The following ECRG4 variants were observed in gnomAD, a reference collection of about 807,000 sequenced individuals.
ECRG4 encodes the protein augurin.
A neutral mutation model predicts 15.8 loss-of-function variants in ECRG4; 18 were observed. The ratio of observed to expected loss-of-function variants is 1.14; its 90% CI spans 0.79 to 1.69. ECRG4 has a LOEUF of 1.69. Ranked by LOEUF, ECRG4 falls within the 40% of genes most tolerant of loss-of-function variation. The pLI is 0.00. For synonymous variants in ECRG4, 82 were observed against 73.9 expected (o/e 1.11, Z -0.56); for missense variants, 200 against 190.9 (o/e 1.05, Z -0.28).
intron 1 of ECRG4, among the ~76,000 whole-genome samples, chr2:106,067,937 C>A (rs1214330710): frequency 6.6e-6 from 1 of 151,064 alleles, no homozygotes; most frequent in Non-Finnish European, 1.5e-5. Context: ...CGGACTCAAG[C>A]AATCCTCCCA....
chr2:106,075,785 A>G (rs1676475960), intron 3 of ECRG4, among the ~76,000 whole-genome samples: 1 of 152,228 alleles, frequency 6.6e-6, no homozygotes, highest in South Asian at 2.1e-4. Flanking sequence ...AGGTGACAAA[A>G]CCAGAATAAA....
intron 1 of ECRG4, among the ~76,000 whole-genome samples, chr2:106,068,521 G>C (rs928563123): frequency 4.6e-5 from 7 of 152,186 alleles, no homozygotes; most frequent in African/African-American, 1.7e-4. Flanking sequence ...CTATAGCTAA[G>C]GTTTGGCGAG....
At chr2:106,072,469 C>T (rs1676391314) in intron 2 of ECRG4, 1 of 152,250 alleles carries the variant, frequency 6.6e-6, no homozygotes, top group African/African-American at 2.4e-5. Flanking sequence ...TCGTGAATGT[C>T]ATTTTCCCTC....
intron 1 of ECRG4, among the ~76,000 whole-genome samples, chr2:106,067,065 G>A (rs1395108035): frequency 1.1e-5 from 1 of 91,736 alleles, no homozygotes; most frequent in Non-Finnish European, 2.5e-5. Context: ...AGGCCGGGGG[G>A]GGGGGGGGGG....
At chr2:106,067,614 C>T (rs1676254109) in intron 1 of ECRG4, among the ~76,000 whole-genome samples, 1 of 149,576 alleles carries the variant, frequency 6.7e-6, no homozygotes, top group Non-Finnish European at 1.5e-5. Flanking sequence ...GAATTACAGG[C>T]ATGTGTCACC....
At chr2:106,066,631 C>T (rs1676221602) in intron 1 of ECRG4, among the ~76,000 whole-genome samples, 1 of 152,164 alleles carries the variant, frequency 6.6e-6, no homozygotes. Flanking sequence ...CTAGGGGAGG[C>T]AGGGATTGTT....
chr2:106,071,899 T>C lies in ECRG4; in HGVS notation c.127+8T>C, dbSNP rs1676380262. 1 of 1,609,528 alleles carries C rather than the reference T, an allele frequency of 6.2e-7. No individual in the cohort carries two copies. The highest frequency in any genetic ancestry group is 8.5e-7 in the Non-Finnish European group (1 of 1,175,922). ...TGCTTCAAAAACGAGAAGGTAAATATACCCCAAATGGATAAGGGATGCATT... is the reference window on the plus strand; with the variant it reads ...TGCTTCAAAAACGAGAAGGTAAATACACCCCAAATGGATAAGGGATGCATT... On this transcript the variant is annotated splice_region_variant and intron_variant, in intron 2 of 3. Coordinates refer to ENST00000238044, the MANE Select transcript of ECRG4 (RefSeq NM_032411.3).
At chr2:106,065,371 G>A (rs1009216578), upstream of ECRG4, among the ~76,000 whole-genome samples, 8 of 152,118 alleles carry the variant, frequency 5.3e-5, no homozygotes, top group Admixed American at 2.0e-4. Context: ...TGGCCAGGGG[G>A]CCTCGTCCCT....
intron 3 of ECRG4, among the ~76,000 whole-genome samples, chr2:106,075,393 T>C (rs1676464092): frequency 2.0e-5 from 3 of 152,244 alleles, no homozygotes; most frequent in African/African-American, 4.8e-5. Context: ...AATTTGCATT[T>C]CTTTGATGAC....
chr2:106,066,763 T>C (rs1676224023), intron 1 of ECRG4, among the ~76,000 whole-genome samples: 1 of 152,154 alleles, frequency 6.6e-6, no homozygotes, highest in South Asian at 2.1e-4. Context: ...GCTCAGTTTC[T>C]GTATTTTGCT....
In ECRG4 at chr2:106,077,813, C is replaced by T. The variant is rs143187713; in HGVS notation, c.334C>T (p.His112Tyr). ...TYWLNRDRNG[H>Y]EYYGDYYQRH... The stretch of plus-strand genomic sequence containing the variant: ...TTGGCTTAACAGAGATCGAAATGGA[C>T]ATGAATACTATGGCGATTACTACCA... The change falls in exon 4 of 4, where the codon CAT becomes TAT. Residue 112 changes from histidine (H) to tyrosine (Y), a missense_variant. Transcript: ENST00000238044. 2.1e-4 allele frequency: 335 copies of T among 1,613,926 alleles called. No individual in the cohort carries two copies. Among genetic ancestry groups the T allele is most frequent in the Non-Finnish European group, 2.6e-4 (307 of 1,179,962 alleles).
Position 106,074,031 on chromosome 2 carries a change from C to T in ECRG4, c.273C>T (p.Gly91=). Residue 91 remains glycine (G), a synonymous_variant, in exon 3 of 4, where the codon GGC becomes GGT. Transcript: ENST00000238044. ...QQWYQQFLYM[G]FDEAKFEDDI... Reference sequence around the variant, plus strand: ...GGTACCAGCAGTTTCTCTACATGGGCTTTGACGAAGCGGTAGGTGTTGCCT... The same window carrying T: ...GGTACCAGCAGTTTCTCTACATGGGTTTTGACGAAGCGGTAGGTGTTGCCT... 2 of 1,612,912 alleles carry T rather than the reference C, an allele frequency of 1.2e-6. No individual in the cohort carries two copies. Among genetic ancestry groups the T allele is most frequent in the South Asian group, 1.1e-5 (1 of 91,034 alleles).
intron 3 of ECRG4, among the ~76,000 whole-genome samples, chr2:106,075,085 A>C (rs1235385834): frequency 1.3e-5 from 2 of 152,276 alleles, no homozygotes; most frequent in East Asian, 1.9e-4. Context: ...CATGATTCTA[A>C]GTACTTAGAG....
chr2:106,074,977 C>G, intron 3 of ECRG4, among the ~76,000 whole-genome samples: 1 of 152,152 alleles, frequency 6.6e-6, no homozygotes, highest in East Asian at 1.9e-4. Context: ...ACATTTCCAA[C>G]CATTGGACAT....
At position 106,077,873 on chromosome 2, in the gene ECRG4, C is replaced by T. The variant is rs775382887; in HGVS notation, c.394C>T (p.Arg132Trp). 33 of 1,613,966 alleles carry T rather than the reference C, an allele frequency of 2.0e-5. No homozygotes were observed. Among genetic ancestry groups the T allele is most frequent in the African/African-American group, 1.3e-4 (10 of 74,898 alleles). The change falls in exon 4 of 4, where the codon CGG becomes TGG. Residue 132 changes from arginine to tryptophan, a missense_variant. Arg to Trp is a moderately radical substitution (Grantham distance 101). Transcript: ENST00000238044. ...HYDEDSAIGP[R>W]SPYGFRHGAS... ...TGATGAAGACTCTGCAATTGGTCCC[C>T]GGAGCCCCTACGGCTTTAGGCATGG...
At position 106,071,371 on chromosome 2, in the gene ECRG4, GAAAATAAAAAA is replaced by G. The variant is rs1372451725; in HGVS notation, c.80-462_80-452del. Among the ~76,000 whole-genome samples, 10 of 107,928 alleles carry G rather than the reference GAAAATAAAAAA, an allele frequency of 9.3e-5. No individual in the cohort carries two copies. In the East Asian group the frequency reaches 2.9e-3, roughly 32 times the overall value. The allele number at this position is 107,928 out of a possible 152,430, so 70.8% of individuals were successfully genotyped here. A position where few individuals can be genotyped will look rare whatever the true frequency, so the allele number is the denominator to read the frequency against. On this transcript the variant is annotated intron_variant, in intron 1 of 3. Transcript: ENST00000238044. ...AAAAAAAGAAAGAAAGAAAAGAAAA[GAAAATAAAAAA>G]AAAATAAAAATCTTGAGATCCTTAA...
In ECRG4 at chr2:106,076,053, C is replaced by T. The variant is rs537966060; in HGVS notation, c.286-1712C>T. On this transcript the variant is annotated intron_variant, in intron 3 of 3. Coordinates refer to ENST00000238044, the MANE Select transcript of ECRG4 (RefSeq NM_032411.3). ...ATGAGAGGCTGGGCACAGTGGCTCA[C>T]GCCTGTAATCCTAGCACTTTGGGAG... 5.9e-5 allele frequency among the ~76,000 whole-genome samples: 9 copies of T among 152,192 alleles called. 1 individual carries two copies. Among genetic ancestry groups the T allele is most frequent in the African/African-American group, 1.7e-4 (7 of 41,508 alleles).
At chr2:106,066,099 G>A (rs190543858) in intron 1 of ECRG4, among the ~76,000 whole-genome samples, 1 of 152,346 alleles carries the variant, frequency 6.6e-6, no homozygotes, top group African/African-American at 2.4e-5. Flanking sequence ...GGGCAACCTT[G>A]GGCAAGGAGG....
chr2:106,071,322 TAAAAAAAAAAAAAAA>T lies in ECRG4; in HGVS notation c.80-506_80-492del, dbSNP rs10649647. Among the ~76,000 whole-genome samples the T allele has an allele frequency of 1.6e-3, 127 of 78,326 alleles. 1 individual carries two copies. The highest frequency in any genetic ancestry group is 3.9e-3 in the South Asian group (7 of 1,810). 51.4% of individuals were successfully genotyped at this position (78,326 alleles called of 152,430 possible). On this transcript the variant is annotated intron_variant, in intron 1 of 3. Transcript: ENST00000238044. ...ACCCTCTCAGTGATGGGTAAGGCTG[TAAAAAAAAAAAAAAA>T]AAAAAAAAAAAAAAAGAAAGAAAGA...
Sources: allele counts gnomAD v4.1 joint callset (sites outside exome capture counted in the v4.1 genomes callset), GRCh38; gene constraint gnomAD v4.1.1; transcripts MANE v1.5; gene names NCBI Gene and HGNC (gene_info 2026-07-23, HGNC 2026-07-21).